ZNF550: variants seen among roughly 807,000 people sequenced by gnomAD.
ZNF550 encodes the protein zinc finger protein 550.
In ZNF550, 42 loss-of-function variants were observed where a neutral mutation model predicts 40.2. That is an observed-to-expected ratio of 1.05 (90% CI 0.82 to 1.35). The LOEUF (loss-of-function observed/expected upper bound fraction) is 1.35, where lower values mean the gene tolerates loss of function less well. Ranked by LOEUF, ZNF550 falls within the 40% of genes most tolerant of loss-of-function variation. The pLI, the probability that ZNF550 is intolerant of heterozygous loss-of-function variation, is 0.00. For missense variants in ZNF550, 549 were observed against 525.2 expected, an observed-to-expected ratio of 1.05 and a Z score of -0.44; for synonymous variants, 223 against 198.6, an observed-to-expected ratio of 1.12 and a Z score of -1.03.
chr19:57,556,130 G>T, intron 2 of ZNF550, 101 bp downstream of exon 2: 1 of 1,499,966 alleles, frequency 6.7e-7, no homozygotes, highest in Non-Finnish European at 9.3e-7. Flanking sequence ...GGTGGGAACA[G>T]AAAGGTCTGT....
At chr19:57,552,528 C>A (rs1490370257) in intron 3 of ZNF550, 99 bp downstream of exon 3, 2 of 964,958 alleles carry the variant, frequency 2.1e-6, no homozygotes, top group South Asian at 1.6e-5. Context: ...CCCCGGAAAG[C>A]CACAATGAGC....
At chr19:57,548,096 A>T in intron 3 of ZNF550, 103 bp from the exon 4 acceptor site, 1 of 1,075,252 alleles carries the variant, frequency 9.3e-7, no homozygotes, top group Non-Finnish European at 1.3e-6. Flanking sequence ...AATAGTGCCT[A>T]TGATACTTGC....
exon 4 of ZNF550, chr19:57,547,179 G>A: frequency 1.2e-6 from 2 of 1,611,366 alleles, no homozygotes; most frequent in Non-Finnish European, 1.7e-6. Flanking sequence ...TGAGTTCTGA[G>A]CTGCATCTGA....
Position 57,554,447 on chromosome 19 carries a change from G to A in ZNF550, c.155-1725C>T, listed in dbSNP as rs1045866087. ...ATCCTTGATGGCGTCACTGGGCTGC[G>A]GCACCGAACAAGCCTGGAGCCAACC... is the stretch of plus-strand genomic sequence containing the variant. On this transcript the variant is annotated intron_variant, in intron 2 of 4. Transcript: ENST00000457177. This position sits in a 1 kb window ranked among gnomAD's most constrained non-coding sequence, Gnocchi z 4.5. 5.9e-5 allele frequency: 9 copies of A among 152,208 alleles called. No homozygotes were observed. Among genetic ancestry groups the A allele is most frequent in the East Asian group, 1.9e-4 (1 of 5,196 alleles). 9.4% of individuals were successfully genotyped at this position (152,208 alleles called of 1,614,324 possible).
intron 3 of ZNF550, 46 bp downstream of exon 3, chr19:57,552,581 T>C (rs950328760): frequency 6.9e-7 from 1 of 1,445,992 alleles, no homozygotes; most frequent in African/African-American, 1.4e-5. Context: ...CCTCACATTA[T>C]CTGAAGACTG....
chr19:57,543,917 A>C (rs1409421243), intron 4 of ZNF550: 3 of 966,608 alleles, frequency 3.1e-6, no homozygotes, highest in Admixed American at 1.2e-4. Context: ...CAGCCTGGGC[A>C]ACAAGAGTGA....
At chr19:57,546,421 C>T in intron 4 of ZNF550, 1 of 916,528 alleles carries the variant, frequency 1.1e-6, no homozygotes, top group Non-Finnish European at 1.3e-6. Flanking sequence ...ACTGATCTTA[C>T]AGGGAAGTCT....
At chr19:57,555,945 T>G in intron 2 of ZNF550, 1 of 394,822 alleles carries the variant, frequency 2.5e-6, no homozygotes, top group Non-Finnish European at 4.8e-6. Context: ...GGCCCCTGCT[T>G]AATAGGGCTG....
chr19:57,559,696 G>T lies in ZNF550; in HGVS notation c.-14C>A. 1 of 1,496,052 alleles carries T rather than the reference G, an allele frequency of 6.7e-7. No homozygotes were observed. Among genetic ancestry groups the T allele is most frequent in the Non-Finnish European group, 8.9e-7 (1 of 1,118,328 alleles). The allele number at this position is 1,496,052 out of a possible 1,614,324, so 92.7% of individuals were successfully genotyped here. A position where few individuals can be genotyped will look rare whatever the true frequency, so the allele number is the denominator to read the frequency against. On this transcript the variant is annotated 5_prime_UTR_variant, in exon 1 of 5. It adds an upstream start codon to the 5' untranslated region. Transcript: ENST00000457177. ...CGTCTCCGCCATCCGACCGTTGGCA[G>T]GACGAGGCCGCGTGGGGCAGCTCCC...
intron 4 of ZNF550, chr19:57,546,412 CTG>C (rs1454357696): frequency 2.0e-5 from 17 of 857,814 alleles, no homozygotes; most frequent in Non-Finnish European, 2.2e-5. Context: ...AAAAATAAAA[CTG>C]ATCTTACAGG....
intron 2 of ZNF550, chr19:57,555,785 T>A: frequency 4.6e-6 from 1 of 215,160 alleles, no homozygotes; most frequent in South Asian, 6.6e-5. Flanking sequence ...ATATCAAGCA[T>A]CAGAAAACAA....
chr19:57,543,409 G>T, intron 4 of ZNF550: 1 of 255,478 alleles, frequency 3.9e-6, no homozygotes, highest in Non-Finnish European at 6.1e-6. Flanking sequence ...TTTTTTGTCT[G>T]CTTACAAATA....
In ZNF550 at chr19:57,554,834, G is replaced by A. The variant is rs1406214366; in HGVS notation, c.154+1397C>T. ...TTTCACACGCTGGTTCCTCCACCTG[G>A]AACACTGTTACCCTCTTCCACCTCC... is the stretch of plus-strand genomic sequence containing the variant. On this transcript the variant is annotated intron_variant, in intron 2 of 4. Coordinates refer to ENST00000457177, the Ensembl canonical transcript of ZNF550. The surrounding 1 kb of genome is among the most constrained non-coding windows in gnomAD (Gnocchi z 4.5). 3 of 152,276 alleles carry A rather than the reference G, an allele frequency of 2.0e-5. No individual in the cohort carries two copies. Among genetic ancestry groups the A allele is most frequent in the Non-Finnish European group, 4.4e-5 (3 of 68,062 alleles). 9.4% of individuals were successfully genotyped at this position (152,276 alleles called of 1,614,324 possible).
exon 2 of ZNF550, chr19:57,556,231 C>A: frequency 1.2e-6 from 2 of 1,613,984 alleles, no homozygotes; most frequent in East Asian, 4.5e-5. Flanking sequence ...GAGTCATTAC[C>A]TAGTGAAACC....
intron 1 of ZNF550, among the ~76,000 whole-genome samples, chr19:57,557,954 G>C (rs919372014): frequency 9.2e-5 from 14 of 152,226 alleles, no homozygotes; most frequent in African/African-American, 3.1e-4. Context: ...CCTAGCACAT[G>C]TAAGTGCCTG....
rs748576145 is a variant in ZNF550 at position 57,554,395 on chromosome 19, CAAG to C, written c.155-1676_155-1674del. ...CCTGAGGACAATCAGAAGCCTGAAC[CAAG>C]AAGAAGGAACAGAGAACCAAGACAT... On this transcript the variant is annotated intron_variant, in intron 2 of 4. Coordinates refer to ENST00000457177, the Ensembl canonical transcript of ZNF550. The surrounding 1 kb of genome is among the most constrained non-coding windows in gnomAD (Gnocchi z 4.5). The C allele has an allele frequency of 1.3e-5, 2 of 152,222 alleles. No homozygotes were observed. The highest frequency in any genetic ancestry group is 2.4e-5 in the African/African-American group (1 of 41,432). The allele number at this position is 152,222 out of a possible 1,614,324, so 9.4% of individuals were successfully genotyped here. A position where few individuals can be genotyped will look rare whatever the true frequency, so the allele number is the denominator to read the frequency against.
At chr19:57,558,019 T>C (rs542643768) in intron 1 of ZNF550, among the ~76,000 whole-genome samples, 3 of 152,322 alleles carry the variant, frequency 2.0e-5, no homozygotes, top group Admixed American at 6.5e-5. Context: ...AATGTCGTTA[T>C]CACTTCCATT....
At chr19:57,551,896 G>A (rs549950247) in intron 3 of ZNF550, among the ~76,000 whole-genome samples, 1 of 152,326 alleles carries the variant, frequency 6.6e-6, no homozygotes, top group Middle Eastern at 3.4e-3. Context: ...GGCTGCTTCC[G>A]AGTCTCTGAT....
chr19:57,546,557 A>C (rs979160761), exon 4 of ZNF550: 22 of 982,888 alleles, frequency 2.2e-5, no homozygotes, highest in Non-Finnish European at 2.7e-5. Context: ...CCTGGTCACA[A>C]AGTTTTCTCA....
Sources: allele counts gnomAD v4.1 joint callset (sites outside exome capture counted in the v4.1 genomes callset), GRCh38; gene constraint gnomAD v4.1.1; non-coding constraint Gnocchi (gnomAD v3.1); transcripts MANE v1.5; gene names NCBI Gene and HGNC (gene_info 2026-07-23, HGNC 2026-07-21).